SEMA4C: variants seen among roughly 807,000 people sequenced by gnomAD.
SEMA4C encodes semaphorin 4C.
A neutral mutation model predicts 89.0 loss-of-function variants in SEMA4C; 19 were observed. The ratio of observed to expected loss-of-function variants is 0.21; its 90% CI spans 0.15 to 0.31. The LOEUF (loss-of-function observed/expected upper bound fraction) is 0.31, where lower values mean the gene tolerates loss of function less well. SEMA4C is among the 10% of genes least tolerant of loss of function. The probability of loss-of-function intolerance (pLI) is 1.00; values close to 1 mark genes in which losing one functional copy is unlikely to be tolerated. For missense variants in SEMA4C, 811 were observed against 1,107.0 expected (o/e 0.73, Z 3.79); for synonymous variants, 428 against 472.7 (o/e 0.91, Z 1.23).
chr2:96,860,675 TGCA>T lies in SEMA4C; in HGVS notation c.2450_2452del (p.Leu817del). 2 of 1,613,104 alleles carry T rather than the reference TGCA, an allele frequency of 1.2e-6. No homozygotes were observed. The highest frequency in any genetic ancestry group is 1.7e-6 in the Non-Finnish European group (2 of 1,179,780). On this transcript the variant is annotated inframe_deletion, in exon 15 of 15. Transcript: ENST00000305476. ...GGAGTCGGGCAGTGGCTGGCGTTGC[TGCA>T]GTTTGCGTCTCAGTTCATCCGCGAG... is the stretch of plus-strand genomic sequence containing the variant.
At chr2:96,862,376 A>G (rs1336432545) in intron 12 of SEMA4C, 1 of 158,478 alleles carries the variant, frequency 6.3e-6, no homozygotes, top group African/African-American at 2.4e-5. Flanking sequence ...TAGCTGGTAA[A>G]AGGCAAACAA....
intron 1 of SEMA4C, chr2:96,869,098 T>A (rs1297190961): frequency 1.0e-6 from 1 of 985,234 alleles, no homozygotes; most frequent in South Asian, 4.7e-5. Flanking sequence ...GGACGCCCCC[T>A]GTCGGCCCAG....
In SEMA4C at chr2:96,860,036, GAAAACAT is replaced by G. The variant is rs1402537978; in HGVS notation, c.*583_*589del. ...GGCTCCATCTCCCTCCCCCCACCCTGAAAACATTCACAGCCCTAGGAGCAGGACTAGG... is the reference window on the plus strand; with the variant it reads ...GGCTCCATCTCCCTCCCCCCACCCTGTCACAGCCCTAGGAGCAGGACTAGG... On this transcript the variant is annotated 3_prime_UTR_variant, in exon 15 of 15. Coordinates refer to ENST00000305476, the MANE Select transcript of SEMA4C (RefSeq NM_017789.5). 1 of 60,546 alleles carries G rather than the reference GAAAACAT, an allele frequency of 1.7e-5. No homozygotes were observed. The highest frequency in any genetic ancestry group is 3.2e-5 in the Non-Finnish European group (1 of 31,124). The allele number at this position is 60,546 out of a possible 1,614,324, so 3.8% of individuals were successfully genotyped here.
Position 96,863,968 on chromosome 2 carries a change from C to T in SEMA4C, c.1288G>A (p.Gly430Arg). 1.2e-6 allele frequency: 2 copies of T among 1,613,470 alleles called. No individual in the cohort carries two copies. Among genetic ancestry groups the T allele is most frequent in the Non-Finnish European group, 1.7e-6 (2 of 1,179,922 alleles). ...ACTGTATAGGTGGCTCCATCAAGTC[C>T]TGTAACCCGGTCGGCCACCAGGTGG... ...FTHLVADRVT[G>R]LDGATYTVLF... Residue 430 changes from glycine (G) to arginine (R), a missense_variant, in exon 11 of 15, where the codon GGA (glycine) becomes AGA (arginine). This residue lies in a region of SEMA4C where 441 missense variants were observed against 664.9 expected (regional missense o/e 0.66). Coordinates refer to ENST00000305476, the MANE Select transcript of SEMA4C (RefSeq NM_017789.5).
chr2:96,869,802 G>A, intron 1 of SEMA4C, 74 bp downstream of exon 1: 18 of 985,130 alleles, frequency 1.8e-5, no homozygotes, highest in Non-Finnish European at 2.2e-5. Flanking sequence ...GGCAGCCCCT[G>A]CCCAAGCAAA....
rs754319720 is a variant in SEMA4C, at chr2:96,864,832, G to A, written c.835C>T (p.Leu279=). 1.9e-6 allele frequency: 3 copies of A among 1,613,742 alleles called. No individual in the cohort carries two copies. In the African/African-American group the frequency reaches 4.0e-5, roughly 22 times the overall value. The change falls in exon 9 of 15, where the codon CTG becomes TTG. Residue 279 remains leucine, a synonymous_variant. Transcript: ENST00000305476. This position sits in a 1 kb window ranked among gnomAD's most constrained non-coding sequence, Gnocchi z 6.3. ...RTLQRKWTTF[L]KARLACSAPN... is the part of the protein sequence containing the mutation. ...GCAGAGCATGCCAGCCGCGCCTTCA[G>A]GAACGTGGTCCACTTCCTCTGCAGG...
Position 96,867,869 on chromosome 2 carries a change from A to G in SEMA4C, c.18T>C (p.Ala6=). The change falls in exon 2 of 15, where the codon GCT becomes GCC. Residue 6 remains alanine (A), a synonymous_variant. Coordinates refer to ENST00000305476, the MANE Select transcript of SEMA4C (RefSeq NM_017789.5). ...ACAGCCTTGCTGCCAGCAGCCAGAC[A>G]GCCCAGTGTGGGGCCATGGCGCACG... The part of the protein sequence containing the change: MAPHW[A]VWLLAARLWG... 6.2e-7 allele frequency: 1 copy of G among 1,613,598 alleles called. No homozygotes were observed. The highest frequency in any genetic ancestry group is 8.5e-7 in the Non-Finnish European group (1 of 1,180,008).
chr2:96,870,513 A>G, upstream of SEMA4C: 1 of 980,910 alleles, frequency 1.0e-6, no homozygotes, highest in African/African-American at 1.7e-5. Context: ...CGCTGGGGGA[A>G]CCGAGGCGTC....
At chr2:96,867,091 C>T (rs971605693) in intron 2 of SEMA4C, among the ~76,000 whole-genome samples, 9 of 152,174 alleles carry the variant, frequency 5.9e-5, no homozygotes, top group African/African-American at 2.2e-4. Flanking sequence ...TTTATACAGT[C>T]ACGTGATTCC....
chr2:96,869,511 A>G, intron 1 of SEMA4C: 4 of 985,158 alleles, frequency 4.1e-6, no homozygotes, highest in Non-Finnish European at 4.8e-6. Context: ...CCGATCCCAC[A>G]ACATCGGCCT....
Position 96,865,096 on chromosome 2 carries a change from A to C in SEMA4C, c.654T>G (p.Ser218=). The change falls in exon 8 of 15, where the codon TCT becomes TCG. Residue 218 remains serine, a synonymous_variant. Coordinates refer to ENST00000305476, the MANE Select transcript of SEMA4C (RefSeq NM_017789.5). ...FWLNEPHFVG[S]AYVPESVGSF... is the part of the protein sequence containing the mutation. Reference sequence around the variant, plus strand: ...TGCCCACACTCTCAGGTACATAGGCAGAGCCTACAAAGTGAGGTTCTGTGG... The same window carrying C: ...TGCCCACACTCTCAGGTACATAGGCCGAGCCTACAAAGTGAGGTTCTGTGG... The C allele has an allele frequency of 6.4e-7, 1 of 1,568,932 alleles. No homozygotes were observed. The highest frequency in any genetic ancestry group is 1.2e-5 in the South Asian group (1 of 86,086).
At chr2:96,869,485 G>A (rs1303189260) in intron 1 of SEMA4C, 4 of 985,236 alleles carry the variant, frequency 4.1e-6, no homozygotes, top group Non-Finnish European at 4.8e-6. Context: ...CGGGCGGGGG[G>A]CCGCGGCAGG....
intron 12 of SEMA4C, chr2:96,863,269 T>C (rs2079993119): frequency 6.9e-6 from 7 of 1,015,004 alleles, no homozygotes; most frequent in Non-Finnish European, 7.1e-6. Flanking sequence ...AGGGAAACAG[T>C]CACGGAAATG....
In SEMA4C at chr2:96,861,593, C is replaced by T. The variant is rs771915923; in HGVS notation, c.1658G>A (p.Arg553His). 34 of 1,586,184 alleles carry T rather than the reference C, an allele frequency of 2.1e-5. No homozygotes were observed. The South Asian group carries it at 2.9e-4, about 13-fold the overall frequency. ...AAAAAGCTCACCTTTCTTACTGCCA[C>T]GGAGGTTGCAGATGCCTGAAGTGTC... is the stretch of plus-strand genomic sequence containing the variant. ...TSDTSGICNL[R>H]GSKKVRPTPK... The change falls in exon 14 of 15, where the codon CGT (arginine) becomes CAT (histidine). Residue 553 changes from arginine (R) to histidine (H), a missense_variant. Coordinates refer to ENST00000305476, the MANE Select transcript of SEMA4C (RefSeq NM_017789.5). This position sits in a 1 kb window ranked among gnomAD's most constrained non-coding sequence, Gnocchi z 7.8.
At position 96,869,577 on chromosome 2, in the gene SEMA4C, AG is replaced by A. The variant is rs1286983023; in HGVS notation, c.-38+298del. The A allele has an allele frequency of 3.0e-6, 3 of 985,122 alleles. No individual in the cohort carries two copies. The African/African-American group carries it at 5.2e-5, about 17-fold the overall frequency. 61.0% of individuals were successfully genotyped at this position (985,122 alleles called of 1,614,324 possible). A position where few individuals can be genotyped will look rare whatever the true frequency, so the allele number is the denominator to read the frequency against. On this transcript the variant is annotated intron_variant, in intron 1 of 14. Coordinates refer to ENST00000305476, the MANE Select transcript of SEMA4C (RefSeq NM_017789.5). ...GGGGTGGGAGCGCCGAGGGCAGTCC[AG>A]GAGCCTGGCGAGGATCCCGGCCGCG...
chr2:96,860,994 G>C lies in SEMA4C; in HGVS notation c.2134C>G (p.Pro712Ala). The change falls in exon 15 of 15, where the codon CCC (proline) becomes GCC (alanine). Residue 712 changes from proline to alanine, a missense_variant. Pro to Ala is a conservative substitution (Grantham distance 27). This residue lies in a region of SEMA4C where 248 missense variants were observed against 269.0 expected (regional missense o/e 0.92). Transcript: ENST00000305476. ...AAGGGGGGACTGGTGGGCTCCTTGG[G>C]CAGCTCCAGGGGGTACACCAAGGTC... is the stretch of plus-strand genomic sequence containing the variant. ...ERTLVYPLEL[P>A]KEPTSPPFRP... The C allele has an allele frequency of 6.2e-7, 1 of 1,612,924 alleles. No homozygotes were observed.
At chr2:96,869,124 G>A (rs1389357730) in intron 1 of SEMA4C, 2 of 985,246 alleles carry the variant, frequency 2.0e-6, no homozygotes, top group Non-Finnish European at 2.4e-6. Context: ...CGGCGCGGGA[G>A]AGCGGGGGCT....
At position 96,865,184 on chromosome 2, in the gene SEMA4C, C is replaced by T; in HGVS notation, c.634+20G>A. The T allele has an allele frequency of 6.2e-7, 1 of 1,611,540 alleles. No individual in the cohort carries two copies. The highest frequency in any genetic ancestry group is 8.5e-7 in the Non-Finnish European group (1 of 1,178,902). ...GGGGACCTCCCACCCATGGCTCCCA[C>T]AGGCCCCCCGGTGGCTCACCGTTGA... is the stretch of plus-strand genomic sequence containing the variant. On this transcript the variant is annotated intron_variant, in intron 7 of 14. Coordinates refer to ENST00000305476, the MANE Select transcript of SEMA4C (RefSeq NM_017789.5).
Position 96,860,593 on chromosome 2 carries a change from C to A in SEMA4C, c.*33G>T. On this transcript the variant is annotated 3_prime_UTR_variant, in exon 15 of 15. Transcript: ENST00000305476. ...TGTGCAAAAGTAGGAGCTACACCTC[C>A]CACGCTTCCCGCCGACGCGGTGGGG... 4 of 1,556,248 alleles carry A rather than the reference C, an allele frequency of 2.6e-6. No homozygotes were observed. In the African/African-American group the frequency reaches 5.4e-5, roughly 21 times the overall value.
Sources: gnomAD v4.1 joint callset for allele counts (sites outside exome capture counted in the v4.1 genomes callset) on GRCh38, gnomAD v4.1.1 for gene constraint, gnomAD v4.1.1 regional missense constraint, Gnocchi (gnomAD v3.1) non-coding constraint, MANE v1.5 for transcripts, NCBI Gene and HGNC (gene_info 2026-07-23, HGNC 2026-07-21) for gene names.